Variants in PCNT observed in about 807,000 individuals in gnomAD.
PCNT encodes the protein pericentrin.
PCNT carries 319 observed loss-of-function variants against 380.4 expected under a neutral mutation model. The ratio of observed to expected loss-of-function variants is 0.84; its 90% CI spans 0.77 to 0.92. The LOEUF (loss-of-function observed/expected upper bound fraction) is 0.92, where lower values mean the gene tolerates loss of function less well. PCNT is among the 40% of genes least tolerant of loss of function. The pLI is 0.00. For synonymous variants in PCNT, 1,845 were observed against 1,735.2 expected (o/e 1.06, Z -1.57); for missense variants, 4,400 against 4,255.3 (o/e 1.03, Z -0.95).
intron 15 of PCNT, among the ~76,000 whole-genome samples, chr21:46,376,053 T>G (rs1203482911): frequency 6.6e-6 from 1 of 152,074 alleles, no homozygotes; most frequent in Non-Finnish European, 1.5e-5. Flanking sequence ...GTGTTGGCAC[T>G]CCCTGGCTGG....
Position 46,357,135 on chromosome 21 carries a change from A to G in PCNT, c.2098A>G (p.Arg700Gly). The G allele has an allele frequency of 6.2e-7, 1 of 1,614,128 alleles. No individual in the cohort carries two copies. Among genetic ancestry groups the G allele is most frequent in the Non-Finnish European group, 8.5e-7 (1 of 1,179,938 alleles). Residue 700 changes from arginine (R) to glycine (G), a missense_variant, in exon 13 of 47, where the codon AGA (arginine) becomes GGA (glycine). By Grantham distance (125) the Arg-to-Gly change is moderately radical (BLOSUM62 -2). Coordinates refer to ENST00000359568, the MANE Select transcript of PCNT (RefSeq NM_006031.6). ...EEIELLKIENRNLYGKLQHET... is the reference protein window; with the variant it reads ...EEIELLKIENGNLYGKLQHET... Reference sequence around the variant, plus strand: ...AATTGAACTCCTAAAAATAGAAAATAGAAATTTGTATGGGAAGTTGCAGCA... The same window carrying G: ...AATTGAACTCCTAAAAATAGAAAATGGAAATTTGTATGGGAAGTTGCAGCA...
At chr21:46,390,176 G>T (rs962510018) in intron 19 of PCNT, among the ~76,000 whole-genome samples, 2 of 152,224 alleles carry the variant, frequency 1.3e-5, no homozygotes, top group African/African-American at 4.8e-5. Flanking sequence ...AGCCAGGCGT[G>T]GTGGCATGCG....
intron 15 of PCNT, among the ~76,000 whole-genome samples, chr21:46,376,567 C>T (rs2147077000): frequency 6.6e-6 from 1 of 152,352 alleles, no homozygotes; most frequent in South Asian, 2.1e-4. Context: ...GATTAATTTT[C>T]CTGTTTTCCC....
At chr21:46,411,115 G>T in intron 27 of PCNT, 74 bp from the exon 28 acceptor site, 4 of 1,406,768 alleles carry the variant, frequency 2.8e-6, no homozygotes, top group East Asian at 2.3e-5. Flanking sequence ...CATTCAGGAT[G>T]TAACGTGCCC....
intron 38 of PCNT, 37 bp from the exon 39 acceptor site, chr21:46,435,867 G>A (rs775580309): frequency 1.7e-5 from 27 of 1,613,346 alleles, no homozygotes; most frequent in Non-Finnish European, 2.1e-5. Context: ...GGACACTGAC[G>A]TGAACGTCTT....
intron 5 of PCNT, 103 bp from the exon 6 acceptor site, chr21:46,347,354 G>C: frequency 1.8e-6 from 2 of 1,114,824 alleles, no homozygotes; most frequent in East Asian, 4.7e-5. Flanking sequence ...GTGAATGCTG[G>C]CACGTGTCCA....
chr21:46,355,656 G>C, intron 12 of PCNT, 30 bp downstream of exon 12: 9 of 1,610,702 alleles, frequency 5.6e-6, no homozygotes, highest in Non-Finnish European at 7.6e-6. Context: ...CCATGGTGTC[G>C]GCAGGTCCCG....
At chr21:46,372,555 ATAAT>A (rs1308181681) in intron 15 of PCNT, among the ~76,000 whole-genome samples, 2 of 152,190 alleles carry the variant, frequency 1.3e-5, no homozygotes, top group Non-Finnish European at 2.9e-5. Flanking sequence ...GAAATAATTG[ATAAT>A]TTATTTGAAG....
chr21:46,364,145 T>G (rs4819243), intron 14 of PCNT, among the ~76,000 whole-genome samples: 1 of 151,850 alleles, frequency 6.6e-6, no homozygotes, highest in African/African-American at 2.4e-5. Context: ...GTTGCCATCC[T>G]GAAGCCCCCT....
chr21:46,428,041 A>G (rs367668152), intron 34 of PCNT, among the ~76,000 whole-genome samples: 4 of 152,308 alleles, frequency 2.6e-5, no homozygotes, highest in Non-Finnish European at 4.4e-5. Context: ...TTTCTGAGAT[A>G]GGTGGCTAAA....
In PCNT at chr21:46,334,558, T is replaced by A. The variant is rs1159163749; in HGVS notation, c.429T>A (p.Arg143=). 1 of 1,578,880 alleles carries A rather than the reference T, an allele frequency of 6.3e-7. No homozygotes were observed. Among genetic ancestry groups the A allele is most frequent in the Non-Finnish European group, 8.7e-7 (1 of 1,151,206 alleles). The change falls in exon 3 of 47, where the codon CGT becomes CGA. Residue 143 remains arginine, a synonymous_variant. Transcript: ENST00000359568. Reference sequence around the variant, plus strand: ...TCGGTGACCACCCACCAGAACAGCGTGGGATGTTCACAGTCAGTGACCACC... The same window carrying A: ...TCGGTGACCACCCACCAGAACAGCGAGGGATGTTCACAGTCAGTGACCACC... ...FTVGDHPPEQ[R]GMFTVSDHPP...
chr21:46,432,172 C>G lies in PCNT; in HGVS notation c.8708C>G (p.Ala2903Gly), dbSNP rs1185245490. The G allele has an allele frequency of 6.2e-7, 1 of 1,612,990 alleles. No homozygotes were observed. Among genetic ancestry groups the G allele is most frequent in the Non-Finnish European group, 8.5e-7 (1 of 1,179,852 alleles). ...RSAEARQSPA[A>G]AEQWRKWQRD... ...GCGGAGGCCAGGCAGAGCCCAGCGG[C>G]TGCGGAGCAGTGGAGGAAGTGGCAG... Residue 2903 changes from alanine (A) to glycine (G), a missense_variant, in exon 38 of 47, where the codon GCT (alanine) becomes GGT (glycine). Coordinates refer to ENST00000359568, the MANE Select transcript of PCNT (RefSeq NM_006031.6).
intron 19 of PCNT, 52 bp downstream of exon 19, chr21:46,389,483 G>C (rs1429053000): frequency 6.9e-7 from 1 of 1,446,946 alleles, no homozygotes; most frequent in African/African-American, 1.4e-5. Flanking sequence ...CTGAGTAGCT[G>C]ATGATGCCAC....
intron 2 of PCNT, among the ~76,000 whole-genome samples, chr21:46,329,218 A>G (rs574371045): frequency 1.3e-5 from 2 of 152,370 alleles, no homozygotes; most frequent in South Asian, 4.1e-4. Context: ...GGCATGGTAT[A>G]GACTCCTGAT....
intron 3 of PCNT, among the ~76,000 whole-genome samples, chr21:46,342,534 C>CTTTT (rs748392645): frequency 1.4e-5 from 2 of 142,320 alleles, no homozygotes; most frequent in African/African-American, 2.6e-5. Context: ...TCAATTCTTT[C>CTTTT]TTTTTTTTTT....
chr21:46,401,486 G>A, intron 25 of PCNT, 65 bp from the exon 26 acceptor site: 1 of 1,292,408 alleles, frequency 7.7e-7, no homozygotes, highest in Non-Finnish European at 1.1e-6. Context: ...TGCTTTAACA[G>A]GCAGCAGTTG....
chr21:46,364,780 C>T (rs747714114), intron 14 of PCNT, among the ~76,000 whole-genome samples: 17 of 152,182 alleles, frequency 1.1e-4, no homozygotes, highest in Non-Finnish European at 2.2e-4. Flanking sequence ...CACAGGGCCC[C>T]GCTCAGGGAT....
chr21:46,373,092 C>T (rs1205737330), intron 15 of PCNT, among the ~76,000 whole-genome samples: 2 of 152,242 alleles, frequency 1.3e-5, no homozygotes, highest in Non-Finnish European at 2.9e-5. Flanking sequence ...GCAACCACAG[C>T]TCACTGTGAC....
chr21:46,382,594 A>G lies in PCNT; in HGVS notation c.3312+754A>G, dbSNP rs534391062. On this transcript the variant is annotated intron_variant, in intron 16 of 46. Coordinates refer to ENST00000359568, the MANE Select transcript of PCNT (RefSeq NM_006031.6). ...GTTGTATATTCAGTGGCGGAAGCGC[A>G]TTCACGGTGTTGTGCATTCAGTGGC... 1.4e-5 allele frequency among the ~76,000 whole-genome samples: 2 copies of G among 142,546 alleles called. 1 individual carries two copies. Among genetic ancestry groups the G allele is most frequent in the South Asian group, 4.8e-4 (2 of 4,188 alleles). The allele number at this position is 142,546 out of a possible 152,430, so 93.5% of individuals were successfully genotyped here. A position where few individuals can be genotyped will look rare whatever the true frequency, so the allele number is the denominator to read the frequency against.
Sources: allele counts gnomAD v4.1 joint callset (sites outside exome capture counted in the v4.1 genomes callset), GRCh38; gene constraint gnomAD v4.1.1; transcripts MANE v1.5; gene names NCBI Gene and HGNC (gene_info 2026-07-23, HGNC 2026-07-21).